GIT2: variants seen among roughly 807,000 people sequenced by gnomAD.
The protein encoded by GIT2 is GIT ArfGAP 2, also known as ARF GTPase-activating protein GIT2.
A neutral mutation model predicts 100.3 loss-of-function variants in GIT2; 32 were observed. The ratio of observed to expected loss-of-function variants is 0.32; its 90% CI spans 0.24 to 0.43. The LOEUF is 0.43. GIT2 is among the 20% of genes least tolerant of loss of function. The pLI is 1.00. For missense variants in GIT2, 737 were observed against 975.1 expected (o/e 0.76, Z 3.25); for synonymous variants, 353 against 364.1 (o/e 0.97, Z 0.35).
intron 13 of GIT2, among the ~76,000 whole-genome samples, chr12:109,951,755 G>A (rs916767614): frequency 6.6e-6 from 1 of 152,204 alleles, no homozygotes; most frequent in African/African-American, 2.4e-5. Context: ...AACAGCATGA[G>A]AGAGTATATA....
chr12:109,983,013 A>G (rs1240458466), intron 6 of GIT2: 1 of 180,298 alleles, frequency 5.5e-6, no homozygotes, highest in Non-Finnish European at 1.2e-5. Flanking sequence ...TTGTTTAATC[A>G]CATATCTATG....
intron 12 of GIT2, among the ~76,000 whole-genome samples, chr12:109,958,535 G>A (rs748600782): frequency 5.3e-5 from 8 of 152,124 alleles, no homozygotes; most frequent in Non-Finnish European, 8.8e-5. Context: ...AAGGCACCAC[G>A]CCCAGGCCAT....
intron 16 of GIT2, among the ~76,000 whole-genome samples, chr12:109,942,548 G>A (rs1182524684): frequency 6.6e-6 from 1 of 152,144 alleles, no homozygotes; most frequent in Non-Finnish European, 1.5e-5. Flanking sequence ...TGCTCAGGAT[G>A]GTCTCAAACT....
intron 1 of GIT2, among the ~76,000 whole-genome samples, chr12:109,993,161 G>A (rs2136998478): frequency 6.6e-6 from 1 of 152,178 alleles, no homozygotes; most frequent in Non-Finnish European, 1.5e-5. Context: ...TTTGAAACAA[G>A]GAATAATTTC....
intron 12 of GIT2, among the ~76,000 whole-genome samples, chr12:109,958,136 G>C (rs1163167635): frequency 6.6e-6 from 1 of 151,640 alleles, no homozygotes; most frequent in Non-Finnish European, 1.5e-5. Context: ...AGTAGAGACG[G>C]GGTTTCACCA....
intron 4 of GIT2, among the ~76,000 whole-genome samples, chr12:109,985,034 G>T (rs1434041728): frequency 6.6e-6 from 1 of 152,212 alleles, no homozygotes; most frequent in Non-Finnish European, 1.5e-5. Context: ...CAGAAGATGA[G>T]CTGCCTTCCT....
chr12:109,996,498 A>G (rs368148968), upstream of GIT2: 3 of 422,812 alleles, frequency 7.1e-6, no homozygotes, highest in East Asian at 7.7e-5. Flanking sequence ...ACCTTTAAAT[A>G]TTGAATTTGG....
At chr12:109,942,616 G>A (rs1018519294) in intron 16 of GIT2, among the ~76,000 whole-genome samples, 13 of 152,330 alleles carry the variant, frequency 8.5e-5, no homozygotes, top group Middle Eastern at 3.4e-3. Context: ...TTAGAGGCGT[G>A]AGCCACCATG....
At chr12:109,980,664 A>G (rs1261379033) in intron 7 of GIT2, among the ~76,000 whole-genome samples, 1 of 152,186 alleles carries the variant, frequency 6.6e-6, no homozygotes, top group Non-Finnish European at 1.5e-5. Flanking sequence ...CACCATGTTC[A>G]AGAACTGTGG....
chr12:109,942,167 CCA>C (rs1350950958), intron 16 of GIT2, among the ~76,000 whole-genome samples: 2 of 151,576 alleles, frequency 1.3e-5, no homozygotes, highest in Non-Finnish European at 1.5e-5. Context: ...ATATATACAC[CCA>C]CACAGAGGTG....
intron 7 of GIT2, 124 bp from the exon 8 acceptor site, chr12:109,967,627 G>A (rs562651401): frequency 1.4e-6 from 1 of 716,014 alleles, no homozygotes; most frequent in African/African-American, 1.8e-5. Flanking sequence ...GACGAGTCAT[G>A]TTGCTAGACT....
At position 109,938,289 on chromosome 12, in the gene GIT2, T is replaced by C. The variant is rs958504483; in HGVS notation, c.2003+91A>G. 1.4e-5 allele frequency: 12 copies of C among 855,420 alleles called. No homozygotes were observed. The Admixed American group carries it at 2.8e-4, about 20-fold the overall frequency. 53.0% of individuals were successfully genotyped at this position (855,420 alleles called of 1,614,324 possible). A position where few individuals can be genotyped will look rare whatever the true frequency, so the allele number is the denominator to read the frequency against. On this transcript the variant is annotated intron_variant, in intron 18 of 19. Coordinates refer to ENST00000355312, the MANE Select transcript of GIT2 (RefSeq NM_057169.5). The stretch of plus-strand genomic sequence containing the variant: ...TTCAATGACCTTGAAGTCAGCATGC[T>C]GGGAATAGCTGCCATTAGGAACATG...
At chr12:109,949,066 C>A (rs1388956711) in intron 14 of GIT2, 8 of 563,290 alleles carry the variant, frequency 1.4e-5, no homozygotes, top group Non-Finnish European at 2.2e-5. Context: ...CAAGCCATTA[C>A]AGAATGATAG....
intron 15 of GIT2, among the ~76,000 whole-genome samples, chr12:109,946,227 A>G (rs917668952): frequency 2.0e-5 from 3 of 152,238 alleles, no homozygotes; most frequent in Non-Finnish European, 4.4e-5. Context: ...CAAATATCTT[A>G]AAAAGAATCT....
In GIT2 at chr12:109,996,303, A is replaced by T; in HGVS notation, c.-79T>A. Reference sequence around the variant, plus strand: ...CGGTGGCGGCGGCGCTTCCGCTCTAACGGGTCCCAGCTGCGGCGGCGCTGA... The same window carrying T: ...CGGTGGCGGCGGCGCTTCCGCTCTATCGGGTCCCAGCTGCGGCGGCGCTGA... On this transcript the variant is annotated 5_prime_UTR_variant, in exon 1 of 20. Coordinates refer to ENST00000355312, the MANE Select transcript of GIT2 (RefSeq NM_057169.5). The T allele has an allele frequency of 9.8e-7, 1 of 1,020,882 alleles. No homozygotes were observed. Among genetic ancestry groups the T allele is most frequent in the South Asian group, 1.5e-5 (1 of 67,250 alleles). 63.2% of individuals were successfully genotyped at this position (1,020,882 alleles called of 1,614,324 possible).
chr12:110,000,021 C>T (rs1414199851), upstream of GIT2, among the ~76,000 whole-genome samples: 2 of 152,188 alleles, frequency 1.3e-5, no homozygotes, highest in Non-Finnish European at 2.9e-5. Flanking sequence ...GGTACTGTTA[C>T]TTTTCCACTG....
intron 4 of GIT2, among the ~76,000 whole-genome samples, chr12:109,984,264 G>C (rs902805796): frequency 5.9e-5 from 9 of 151,872 alleles, no homozygotes; most frequent in Non-Finnish European, 1.2e-4. Flanking sequence ...ACAAAAATTA[G>C]TTGGGTGTGG....
In GIT2 at chr12:109,933,118, A is replaced by T; in HGVS notation, c.2140T>A (p.Cys714Ser). The change falls in exon 20 of 20, where the codon TGC becomes AGC. Residue 714 changes from cysteine (C) to serine (S), a missense_variant. Cys to Ser is a moderately radical substitution (Grantham distance 112). Around this residue, in one of 3 missense-constraint regions of GIT2, gnomAD observed 451 missense variants for 543.7 expected, o/e 0.83. Transcript: ENST00000355312. The surrounding 1 kb of genome is among the most constrained non-coding windows in gnomAD (Gnocchi z 4.5). ...TSSAYRLQSECKKTLPGDPGS... is the reference protein window; with the variant it reads ...TSSAYRLQSESKKTLPGDPGS... ...GGGTCCCCTGGGAGGGTCTTCTTGC[A>T]CTCTGACTGCAGTCGGTAGGCACTG... The T allele has an allele frequency of 1.2e-6, 2 of 1,610,932 alleles. No homozygotes were observed. The highest frequency in any genetic ancestry group is 2.2e-5 in the South Asian group (2 of 90,786).
chr12:109,962,522 C>G lies in GIT2; in HGVS notation c.817-837G>C, dbSNP rs530919038. On this transcript the variant is annotated intron_variant, in intron 9 of 19. Coordinates refer to ENST00000355312, the MANE Select transcript of GIT2 (RefSeq NM_057169.5). The surrounding 1 kb of genome is among the most constrained non-coding windows in gnomAD (Gnocchi z 4.3). ...CTTCCTACCAAAGCACAGCCTGACT[C>G]TTCAGCACACAACAACCACCTCACA... 6.6e-6 allele frequency among the ~76,000 whole-genome samples: 1 copy of G among 152,308 alleles called. No homozygotes were observed. Among genetic ancestry groups the G allele is most frequent in the African/African-American group, 2.4e-5 (1 of 41,564 alleles).
Sources: gnomAD v4.1 joint callset for allele counts (sites outside exome capture counted in the v4.1 genomes callset) on GRCh38, gnomAD v4.1.1 for gene constraint, gnomAD v4.1.1 regional missense constraint, Gnocchi (gnomAD v3.1) non-coding constraint, MANE v1.5 for transcripts, NCBI Gene and HGNC (gene_info 2026-07-23, HGNC 2026-07-21) for gene names.